The following GALNT17 variants were observed in gnomAD, a reference collection of about 807,000 sequenced individuals.
GALNT17 encodes UDP-GalNAc:polypeptide N-acetylgalactosaminyltransferase-like 3.
In GALNT17, 29 loss-of-function variants were observed where a neutral mutation model predicts 63.7. The observed-to-expected ratio is 0.46, with a 90% CI of 0.34 to 0.62. GALNT17 has a LOEUF of 0.62. Ranked by LOEUF, GALNT17 falls within the 20% of genes least tolerant of loss-of-function variation. The pLI, the probability that GALNT17 is intolerant of heterozygous loss-of-function variation, is 0.01. For synonymous variants in GALNT17, 305 were observed against 318.3 expected, an observed-to-expected ratio of 0.96 and a Z score of 0.45; for missense variants, 603 against 799.6, an observed-to-expected ratio of 0.75 and a Z score of 2.97.
At chr7:71,249,804 C>T (rs983104595) in intron 1 of GALNT17, among the ~76,000 whole-genome samples, 1 of 152,236 alleles carries the variant, frequency 6.6e-6, no homozygotes. Context: ...AATTATGATA[C>T]TCGCTTCGCG....
intron 5 of GALNT17, among the ~76,000 whole-genome samples, chr7:71,551,772 A>AAG (rs10557937): frequency 9.9e-5 from 11 of 111,180 alleles, no homozygotes; most frequent in South Asian, 5.7e-4. Flanking sequence ...AAAAAAAAAA[A>AAG]AGAGAGAGAG....
At chr7:71,534,169 T>A (rs1225829027) in intron 5 of GALNT17, among the ~76,000 whole-genome samples, 5 of 152,154 alleles carry the variant, frequency 3.3e-5, no homozygotes, top group African/African-American at 7.2e-5. Flanking sequence ...AGAGGCTTAA[T>A]TGACCCGCAG....
At chr7:71,489,490 A>G (rs757370947) in intron 5 of GALNT17, among the ~76,000 whole-genome samples, 10 of 152,224 alleles carry the variant, frequency 6.6e-5, no homozygotes, top group Admixed American at 3.9e-4. Context: ...TAAAAAGAGG[A>G]TAAGAAAGCT....
chr7:71,567,990 G>A (rs78404075), intron 5 of GALNT17, among the ~76,000 whole-genome samples: 9,598 of 152,186 alleles, frequency 0.063, 325 homozygotes, highest in South Asian at 0.11. Flanking sequence ...ATAACCAGCC[G>A]ATGAGGGTCC....
chr7:71,146,245 C>T (rs939467986), intron 1 of GALNT17, among the ~76,000 whole-genome samples: 1 of 152,086 alleles, frequency 6.6e-6, no homozygotes, highest in African/African-American at 2.4e-5. Flanking sequence ...CCGCAGCCCA[C>T]TTCTTACTGG....
intron 6 of GALNT17, among the ~76,000 whole-genome samples, chr7:71,658,186 C>A (rs1436818908): frequency 6.6e-6 from 1 of 152,162 alleles, no homozygotes; most frequent in Non-Finnish European, 1.5e-5. Context: ...GGATTCCAGT[C>A]ATATGCCACT....
chr7:71,307,448 T>C (rs1292789717), intron 1 of GALNT17, among the ~76,000 whole-genome samples: 2 of 151,956 alleles, frequency 1.3e-5, no homozygotes, highest in Non-Finnish European at 2.9e-5. Context: ...AAGACCCACT[T>C]TCTGCCATGA....
chr7:71,293,286 T>G (rs1791018398), intron 1 of GALNT17, among the ~76,000 whole-genome samples: 1 of 152,196 alleles, frequency 6.6e-6, no homozygotes, highest in Non-Finnish European at 1.5e-5. Flanking sequence ...CTATACTGTT[T>G]TCCATGATGT....
At chr7:71,263,067 C>T (rs562785006) in intron 1 of GALNT17, among the ~76,000 whole-genome samples, 25 of 152,080 alleles carry the variant, frequency 1.6e-4, no homozygotes, top group Non-Finnish European at 8.8e-5. Flanking sequence ...AAGGATAAGA[C>T]GGGCCATCTG....
At chr7:71,168,231 A>T (rs896127300) in intron 1 of GALNT17, among the ~76,000 whole-genome samples, 11 of 152,196 alleles carry the variant, frequency 7.2e-5, no homozygotes, top group Admixed American at 6.5e-4. Context: ...GTTTTATAAG[A>T]AGTCTTGTAA....
intron 1 of GALNT17, among the ~76,000 whole-genome samples, chr7:71,320,065 A>G (rs28678480): frequency 0.27 from 40,418 of 152,034 alleles, 6,061 homozygotes; most frequent in East Asian, 0.48. Flanking sequence ...TGGGTGGGGA[A>G]GTACACTCAG....
At chr7:71,542,586 C>T (rs1488030933) in intron 5 of GALNT17, among the ~76,000 whole-genome samples, 2 of 151,552 alleles carry the variant, frequency 1.3e-5, no homozygotes, top group Non-Finnish European at 2.9e-5. Flanking sequence ...GTCCCAGCTA[C>T]TCTGGAGGCT....
chr7:71,182,837 A>T (rs989837541), intron 1 of GALNT17, among the ~76,000 whole-genome samples: 1 of 152,014 alleles, frequency 6.6e-6, no homozygotes, highest in African/African-American at 2.4e-5. Flanking sequence ...GGGGTAGGGC[A>T]CTCTGGTCAT....
At chr7:71,599,816 T>C (rs1412204363) in intron 6 of GALNT17, among the ~76,000 whole-genome samples, 1 of 152,058 alleles carries the variant, frequency 6.6e-6, no homozygotes, top group East Asian at 1.9e-4. Flanking sequence ...AATTGCACTG[T>C]TGACAAATAT....
intron 6 of GALNT17, among the ~76,000 whole-genome samples, chr7:71,576,529 T>TGTGTGTGTGTGTG (rs1789539654): frequency 7.0e-6 from 1 of 142,814 alleles, no homozygotes; most frequent in African/African-American, 2.6e-5. Flanking sequence ...TTTTTTAACT[T>TGTGTGTGTGTGTG]TGTGTGTGTG....
In GALNT17 at chr7:71,311,496, C is replaced by T. The variant is rs1341878868; in HGVS notation, c.239-24054C>T. 7.2e-5 allele frequency among the ~76,000 whole-genome samples: 11 copies of T among 152,266 alleles called. No individual in the cohort carries two copies. In the South Asian group the frequency reaches 2.3e-3, roughly 32 times the overall value. The stretch of plus-strand genomic sequence containing the variant: ...AAAAATAAAAAATAAATTAATGGGG[C>T]ATTGTGGTGCCCAAATTCAGGAAGA... On this transcript the variant is annotated intron_variant, in intron 1 of 10. Transcript: ENST00000333538.
intron 2 of GALNT17, among the ~76,000 whole-genome samples, chr7:71,370,521 G>A (rs1287339955): frequency 6.6e-6 from 1 of 152,088 alleles, no homozygotes; most frequent in Non-Finnish European, 1.5e-5. Context: ...GTTTCCATCT[G>A]TCACCCAGGC....
intron 1 of GALNT17, among the ~76,000 whole-genome samples, chr7:71,288,457 A>G (rs1236508884): frequency 1.3e-5 from 2 of 152,098 alleles, no homozygotes; most frequent in African/African-American, 4.8e-5. Flanking sequence ...CCTTTCTGGC[A>G]TCATTCTGAC....
intron 6 of GALNT17, among the ~76,000 whole-genome samples, chr7:71,578,402 T>G (rs1437606269): frequency 1.3e-5 from 2 of 152,260 alleles, no homozygotes; most frequent in Non-Finnish European, 2.9e-5. Flanking sequence ...ACAAAAATTA[T>G]AGCTCACTGC....
Sources: gnomAD v4.1 joint callset for allele counts (sites outside exome capture counted in the v4.1 genomes callset) on GRCh38, gnomAD v4.1.1 for gene constraint, MANE v1.5 for transcripts, NCBI Gene and HGNC (gene_info 2026-07-23, HGNC 2026-07-21) for gene names.